Variants in NOTCH2NLC observed in about 807,000 individuals in gnomAD.
NOTCH2NLC encodes notch homolog 2 N-terminal-like protein C.
NOTCH2NLC carries 4 observed loss-of-function variants against 17.7 expected under a neutral mutation model. The ratio of observed to expected loss-of-function variants is 0.23; its 90% CI spans 0.11 to 0.52. NOTCH2NLC has a LOEUF of 0.52. NOTCH2NLC is among the 20% of genes least tolerant of loss of function. NOTCH2NLC has a pLI of 0.96. For missense variants in NOTCH2NLC, 57 were observed against 207.2 expected (o/e 0.28, Z 4.45); for synonymous variants, 18 against 86.0 (o/e 0.21, Z 4.38).
chr1:149,420,456 AAAACTT>A (rs2084373558), intron 1 of NOTCH2NLC, among the ~76,000 whole-genome samples: 8 of 144,992 alleles, frequency 5.5e-5, no homozygotes, highest in Non-Finnish European at 1.1e-4. Context: ...CATGTACCCT[AAAACTT>A]AAAGTATAAT....
chr1:149,412,142 CAA>C (rs1290454619), intron 1 of NOTCH2NLC, among the ~76,000 whole-genome samples: 7 of 138,524 alleles, frequency 5.1e-5, no homozygotes, highest in Non-Finnish European at 7.9e-5. Context: ...AAAAAAAAAA[CAA>C]AAAAAAGTGG....
intron 2 of NOTCH2NLC, among the ~76,000 whole-genome samples, chr1:149,437,472 GT>G (rs1316829726): frequency 9.4e-6 from 1 of 106,562 alleles, no homozygotes; most frequent in Non-Finnish European, 2.0e-5. Context: ...TTTTGTTGTT[GT>G]TTTTTTTTGA....
At chr1:149,430,008 G>A (rs2084437146) in intron 1 of NOTCH2NLC, among the ~76,000 whole-genome samples, 1 of 150,846 alleles carries the variant, frequency 6.6e-6, no homozygotes. Flanking sequence ...TTTTGGTGAT[G>A]AAAATTTCAA....
chr1:149,460,266 G>A (rs1408128180), intron 3 of NOTCH2NLC, among the ~76,000 whole-genome samples: 48 of 147,484 alleles, frequency 3.3e-4, no homozygotes, highest in Non-Finnish European at 1.1e-4. Context: ...TAATTAAAAT[G>A]TCACTCTGAA....
At position 149,468,794 on chromosome 1, in the gene NOTCH2NLC, C is replaced by T. The variant is rs1266950226; in HGVS notation, c.*4641C>T. Among the ~76,000 whole-genome samples, 1 of 141,732 alleles carries T rather than the reference C, an allele frequency of 7.1e-6. No homozygotes were observed. The highest frequency in any genetic ancestry group is 7.3e-5 in the Admixed American group (1 of 13,680). 93.0% of individuals were successfully genotyped at this position (141,732 alleles called of 152,430 possible). ...CGCAAGTGGAAGCAGTGAGCCTGGGCGGGTGATGGAGTGGGAGATACGTGG... is the reference window on the plus strand; with the variant it reads ...CGCAAGTGGAAGCAGTGAGCCTGGGTGGGTGATGGAGTGGGAGATACGTGG... On this transcript the variant is annotated 3_prime_UTR_variant, in exon 5 of 5. Coordinates refer to ENST00000650865, the MANE Select transcript of NOTCH2NLC (RefSeq NM_001364013.2).
intron 2 of NOTCH2NLC, among the ~76,000 whole-genome samples, chr1:149,437,218 G>T (rs1363055240): frequency 7.0e-6 from 1 of 141,920 alleles, no homozygotes; most frequent in Non-Finnish European, 1.5e-5. Flanking sequence ...TAAGGCACAG[G>T]CCTCTCTTGT....
At chr1:149,460,901 TTCTTTCTTTCTTTC>T (rs1403765935) in intron 3 of NOTCH2NLC, among the ~76,000 whole-genome samples, 7 of 66,300 alleles carry the variant, frequency 1.1e-4, no homozygotes, top group Non-Finnish European at 1.7e-4. Flanking sequence ...CTTTCTTTCT[TTCTTTCTTTCTTTC>T]TCTCTCTTTC....
chr1:149,453,207 CT>C (rs1202536594), intron 2 of NOTCH2NLC, among the ~76,000 whole-genome samples: 25 of 65,850 alleles, frequency 3.8e-4, no homozygotes, highest in Admixed American at 1.3e-3. Context: ...CTTGGCAAAA[CT>C]TTTTTTTTTG....
Position 149,445,379 on chromosome 1 carries a change from AG to A in NOTCH2NLC, c.210-9933del, listed in dbSNP as rs1353856497. On this transcript the variant is annotated intron_variant, in intron 2 of 4. Transcript: ENST00000650865. ...AGCAATTATTTTTATCTACTTTAAC[AG>A]GGGGGACAGAGTAGGGGGGCAGGAA... 4.0e-5 allele frequency among the ~76,000 whole-genome samples: 5 copies of A among 125,588 alleles called. No homozygotes were observed. In the East Asian group the frequency reaches 9.9e-4, roughly 25 times the overall value. The allele number at this position is 125,588 out of a possible 152,430, so 82.4% of individuals were successfully genotyped here. A position where few individuals can be genotyped will look rare whatever the true frequency, so the allele number is the denominator to read the frequency against.
chr1:149,400,131 TA>T (rs1170295050), intron 1 of NOTCH2NLC, among the ~76,000 whole-genome samples: 2,157 of 132,972 alleles, frequency 0.016, 73 homozygotes, highest in South Asian at 0.024. Flanking sequence ...TATATATATA[TA>T]ATATATATTT....
rs1490635076 is a variant in NOTCH2NLC, at chr1:149,427,482, T to C, written c.136-3460T>C. ...GTTGAATAGTATTCCATTGTATGTA[T>C]CTACCACAGCTTTTTTTTTTTTTTT... On this transcript the variant is annotated intron_variant, in intron 1 of 4. Transcript: ENST00000650865. 5.9e-3 allele frequency among the ~76,000 whole-genome samples: 838 copies of C among 142,366 alleles called. 5 individuals are homozygous for C. The highest frequency in any genetic ancestry group is 9.7e-3 in the Non-Finnish European group (627 of 64,898). 93.4% of individuals were successfully genotyped at this position (142,366 alleles called of 152,430 possible). A position where few individuals can be genotyped will look rare whatever the true frequency, so the allele number is the denominator to read the frequency against.
chr1:149,463,189 G>T (rs1277408085), intron 3 of NOTCH2NLC, among the ~76,000 whole-genome samples: 4 of 150,512 alleles, frequency 2.7e-5, no homozygotes, highest in Non-Finnish European at 5.9e-5. Context: ...TGAGAGAGTA[G>T]ATGGATCCAG....
chr1:149,416,632 T>G (rs1388198361), intron 1 of NOTCH2NLC, among the ~76,000 whole-genome samples: 12,621 of 111,522 alleles, frequency 0.11, 2 homozygotes, highest in African/African-American at 0.22. Context: ...TAATTTCCTT[T>G]TGCTCCTGTG....
At chr1:149,396,081 C>T (rs1471158430) in intron 1 of NOTCH2NLC, among the ~76,000 whole-genome samples, 3 of 150,502 alleles carry the variant, frequency 2.0e-5, no homozygotes, top group African/African-American at 7.3e-5. Flanking sequence ...ACCTTTAGAA[C>T]ATTCTATAGG....
At chr1:149,430,780 C>G (rs2084444256) in intron 1 of NOTCH2NLC, among the ~76,000 whole-genome samples, 162 bp from the exon 2 acceptor site, 1 of 147,794 alleles carries the variant, frequency 6.8e-6, no homozygotes, top group East Asian at 2.0e-4. Context: ...GGCTTCTGTG[C>G]TAGAAGCCAA....
intron 2 of NOTCH2NLC, among the ~76,000 whole-genome samples, chr1:149,443,240 TG>T (rs1473881220): frequency 4.2e-5 from 3 of 72,128 alleles, no homozygotes; most frequent in African/African-American, 1.2e-4. Context: ...TAGGGGTGAG[TG>T]GGGGTTAAGA....
rs1419681593 is a variant in NOTCH2NLC at position 149,390,934 on chromosome 1, G to C, written c.135+12G>C. ...GACCCCCGCGCATGGTGAGTATCGG[G>C]CTGAGGGGCGCTGTCCGCGGCGCCC... On this transcript the variant is annotated intron_variant, in intron 1 of 4. Coordinates refer to ENST00000650865, the MANE Select transcript of NOTCH2NLC (RefSeq NM_001364013.2). The C allele has an allele frequency of 4.7e-4, 646 of 1,384,624 alleles. 14 individuals carry two copies. The African/African-American group carries it at 9.4e-3, about 20-fold the overall frequency. 85.8% of individuals were successfully genotyped at this position (1,384,624 alleles called of 1,614,324 possible). A position where few individuals can be genotyped will look rare whatever the true frequency, so the allele number is the denominator to read the frequency against.
chr1:149,460,923 T>TCTC, intron 3 of NOTCH2NLC, among the ~76,000 whole-genome samples: 1 of 131,658 alleles, frequency 7.6e-6, no homozygotes, highest in Non-Finnish European at 1.6e-5. Flanking sequence ...TTCTCTCTCT[T>TCTC]TCTCTCTTTC....
chr1:149,395,995 G>T (rs1425125514), intron 1 of NOTCH2NLC, among the ~76,000 whole-genome samples: 1 of 151,066 alleles, frequency 6.6e-6, no homozygotes, highest in African/African-American at 2.4e-5. Flanking sequence ...TACAGAACTT[G>T]TCTGGCATGT....
Sources: allele counts gnomAD v4.1 joint callset (sites outside exome capture counted in the v4.1 genomes callset), GRCh38; gene constraint gnomAD v4.1.1; transcripts MANE v1.5; gene names NCBI Gene and HGNC (gene_info 2026-07-23, HGNC 2026-07-21).